Variants in MAGI2 observed in about 807,000 individuals in gnomAD.
MAGI2 encodes the protein membrane-associated guanylate kinase, WW and PDZ domain-containing protein 2.
Under a neutral mutation model 133.3 loss-of-function variants are expected in MAGI2, and 35 were observed. The ratio of observed to expected loss-of-function variants is 0.26; its 90% confidence interval spans 0.20 to 0.35. The LOEUF (loss-of-function observed/expected upper bound fraction) is 0.35. MAGI2 is among the 10% of genes least tolerant of loss of function. The pLI, the probability that MAGI2 is intolerant of heterozygous loss-of-function variation, is 1.00. For missense variants in MAGI2, 1,636 were observed against 1,863.4 expected, an observed-to-expected ratio of 0.88 and a Z score of 2.25; for synonymous variants, 729 against 710.6, an observed-to-expected ratio of 1.03 and a Z score of -0.41.
At chr7:78,518,258 T>C (rs1442335614) in intron 4 of MAGI2, 1 of 152,182 alleles carries the variant, frequency 6.6e-6, no homozygotes, top group Admixed American at 6.5e-5. Context: ...TTGAAAGATA[T>C]ACAGGTAAAA....
chr7:79,135,997 AAGAAAG>A (rs763572459), intron 1 of MAGI2, among the ~76,000 whole-genome samples: 11,128 of 47,118 alleles, frequency 0.24, 2,675 homozygotes, highest in Non-Finnish European at 0.41. Context: ...GAAAGAAAGA[AAGAAAG>A]AGAAAGAAAG....
At chr7:78,995,503 A>G (rs1806205955) in intron 2 of MAGI2, among the ~76,000 whole-genome samples, 1 of 152,162 alleles carries the variant, frequency 6.6e-6, no homozygotes, top group Non-Finnish European at 1.5e-5. Context: ...TAAGATGAAA[A>G]TAACTGACTT....
chr7:78,436,721 C>T (rs979249653), intron 6 of MAGI2, among the ~76,000 whole-genome samples: 1 of 152,178 alleles, frequency 6.6e-6, no homozygotes, highest in African/African-American at 2.4e-5. Flanking sequence ...CGGACCCTCT[C>T]TATATGCAAC....
At chr7:78,587,619 T>C (rs1803562477) in intron 3 of MAGI2, among the ~76,000 whole-genome samples, 1 of 152,208 alleles carries the variant, frequency 6.6e-6, no homozygotes, top group African/African-American at 2.4e-5. Flanking sequence ...GTTTCTGAGG[T>C]GGGACAACCC....
chr7:78,144,301 T>C (rs1823065493), intron 16 of MAGI2, among the ~76,000 whole-genome samples: 2 of 152,164 alleles, frequency 1.3e-5, no homozygotes, highest in Non-Finnish European at 2.9e-5. Flanking sequence ...TTTCTAATAA[T>C]ATTCCTACAT....
intron 4 of MAGI2, among the ~76,000 whole-genome samples, chr7:78,503,561 C>T (rs538143169): frequency 2.8e-5 from 2 of 72,184 alleles, no homozygotes; most frequent in South Asian, 7.1e-4. Flanking sequence ...TCCATCTCCC[C>T]CTCCCCCTCC....
intron 6 of MAGI2, among the ~76,000 whole-genome samples, chr7:78,394,122 T>C (rs1796134748): frequency 6.6e-6 from 1 of 152,188 alleles, no homozygotes; most frequent in Non-Finnish European, 1.5e-5. Flanking sequence ...CAGGAGAAGA[T>C]GGAGGACCCA....
rs1335890768 is a variant in MAGI2, at chr7:78,501,818, A to G, written c.755-31T>C. 2.6e-6 allele frequency: 4 copies of G among 1,549,864 alleles called. No individual in the cohort carries two copies. In the East Asian group the frequency reaches 9.0e-5, roughly 35 times the overall value. ...AGAGAACAAGAGCACGTGGTTAGTC[A>G]CTCCAACCATGGTAACTCTGGACTG... On this transcript the variant is annotated intron_variant, in intron 4 of 21. Transcript: ENST00000354212.
intron 1 of MAGI2, among the ~76,000 whole-genome samples, chr7:79,094,296 T>C (rs1044937304): frequency 1.5e-4 from 23 of 152,364 alleles, no homozygotes; most frequent in Non-Finnish European, 8.8e-5. Context: ...TCTTCCTTCA[T>C]TGAAGTTTTA....
intron 20 of MAGI2, among the ~76,000 whole-genome samples, chr7:78,105,733 G>T (rs964034464): frequency 6.6e-6 from 1 of 151,056 alleles, no homozygotes; most frequent in South Asian, 2.1e-4. Flanking sequence ...TTTGTTATGG[G>T]TACATTATAG....
intron 2 of MAGI2, among the ~76,000 whole-genome samples, chr7:78,907,503 A>C: frequency 6.6e-6 from 1 of 152,156 alleles, no homozygotes; most frequent in East Asian, 1.9e-4. Flanking sequence ...AAGCTCGCTA[A>C]GTGAAAGGGC....
intron 2 of MAGI2, among the ~76,000 whole-genome samples, chr7:78,854,570 T>C (rs998152273): frequency 6.6e-6 from 1 of 152,126 alleles, no homozygotes; most frequent in Non-Finnish European, 1.5e-5. Context: ...GCCGTTATAA[T>C]TATGAGTGAT....
chr7:79,422,524 TA>T (rs1254032814), intron 1 of MAGI2, among the ~76,000 whole-genome samples: 2 of 152,000 alleles, frequency 1.3e-5, no homozygotes, highest in African/African-American at 2.4e-5. Flanking sequence ...CCCTTGCAAT[TA>T]AAAAAGTGAT....
chr7:78,573,035 GTATATATATATATATATATATATATATA>G (rs765938732), intron 3 of MAGI2, among the ~76,000 whole-genome samples: 7 of 31,680 alleles, frequency 2.2e-4, no homozygotes, highest in East Asian at 2.5e-3. Context: ...GCATATGTAT[GTATATATATATATATATATATATATATA>G]TATATATATA....
chr7:79,097,534 A>G (rs1817624517), intron 1 of MAGI2, among the ~76,000 whole-genome samples: 1 of 152,204 alleles, frequency 6.6e-6, no homozygotes. Context: ...GAACCCAGGA[A>G]GACTCTCACC....
At chr7:79,401,253 A>G (rs1185671561) in intron 1 of MAGI2, among the ~76,000 whole-genome samples, 1 of 152,188 alleles carries the variant, frequency 6.6e-6, no homozygotes, top group African/African-American at 2.4e-5. Context: ...AGCATAGGCC[A>G]TGGTTAATAC....
intron 21 of MAGI2, among the ~76,000 whole-genome samples, chr7:78,058,903 C>T (rs112689348): frequency 2.0e-5 from 3 of 152,262 alleles, no homozygotes; most frequent in South Asian, 2.1e-4. Flanking sequence ...ATGGCTCTGC[C>T]GTTTTCTCAA....
At chr7:78,903,172 CTTTTTTTTTTTTTTTTTTTTTTTTTTT>C (rs10526268) in intron 2 of MAGI2, among the ~76,000 whole-genome samples, 1 of 56,120 alleles carries the variant, frequency 1.8e-5, no homozygotes, top group Non-Finnish European at 3.2e-5. Context: ...GTTCCTGAAT[CTTTTTTTTTTTTTTTTTTTTTTTTTTT>C]TTTTTTTTTT....
chr7:79,424,028 C>T (rs1460850328), intron 1 of MAGI2, among the ~76,000 whole-genome samples: 1 of 152,030 alleles, frequency 6.6e-6, no homozygotes, highest in Non-Finnish European at 1.5e-5. Context: ...CAATATGAAA[C>T]ACTGCCTTTC....
Sources: allele counts gnomAD v4.1 joint callset (sites outside exome capture counted in the v4.1 genomes callset), GRCh38; gene constraint gnomAD v4.1.1; transcripts MANE v1.5; gene names NCBI Gene and HGNC (gene_info 2026-07-23, HGNC 2026-07-21).